The following NELL2 variants were observed in gnomAD, a reference collection of about 807,000 sequenced individuals.
NELL2 encodes neural EGFL like 2.
A neutral mutation model predicts 109.6 loss-of-function variants in NELL2; 41 were observed. The observed-to-expected ratio is 0.37, with a 90% CI of 0.29 to 0.49. The LOEUF is 0.49. Ranked by LOEUF, NELL2 falls within the 20% of genes least tolerant of loss-of-function variation. NELL2 has a pLI of 0.98. For synonymous variants in NELL2, 355 were observed against 344.7 expected, an observed-to-expected ratio of 1.03 and a Z score of -0.33; for missense variants, 900 against 1,008.3, an observed-to-expected ratio of 0.89 and a Z score of 1.45.
intron 3 of NELL2, among the ~76,000 whole-genome samples, chr12:44,808,061 A>G (rs775616519): frequency 6.6e-6 from 1 of 152,102 alleles, no homozygotes; most frequent in Non-Finnish European, 1.5e-5. Flanking sequence ...GGTCCTCTGC[A>G]TCCCCATCTA....
chr12:44,660,785 A>T (rs1947713384), intron 13 of NELL2, among the ~76,000 whole-genome samples: 1 of 146,982 alleles, frequency 6.8e-6, no homozygotes, highest in South Asian at 2.1e-4. Flanking sequence ...AAATGTGAGG[A>T]AGATCTGAAA....
At chr12:44,766,545 C>A (rs1196883270) in intron 9 of NELL2, among the ~76,000 whole-genome samples, 2 of 152,178 alleles carry the variant, frequency 1.3e-5, no homozygotes, top group East Asian at 3.8e-4. Flanking sequence ...AAAATAAGCT[C>A]ATTTTTAAAC....
chr12:44,531,881 C>T (rs1333545002), intron 16 of NELL2, among the ~76,000 whole-genome samples: 2 of 152,130 alleles, frequency 1.3e-5, no homozygotes, highest in African/African-American at 4.8e-5. Context: ...CGGGTAGTTT[C>T]CCTGACAATT....
intron 2 of NELL2, among the ~76,000 whole-genome samples, chr12:44,867,707 C>G (rs1945041642): frequency 6.6e-6 from 1 of 152,130 alleles, no homozygotes; most frequent in Non-Finnish European, 1.5e-5. Context: ...CATTTGACAT[C>G]ATCTTATATC....
rs746360970 is a variant in NELL2, at chr12:44,776,089, G to A, written c.824C>T (p.Thr275Ile). 6.2e-7 allele frequency: 1 copy of A among 1,614,026 alleles called. No homozygotes were observed. Among genetic ancestry groups the A allele is most frequent in the Non-Finnish European group, 8.5e-7 (1 of 1,179,976 alleles). The change falls in exon 8 of 20, where the codon ACC becomes ATC. Residue 275 changes from threonine (T) to isoleucine (I), a missense_variant. This residue lies in a region of NELL2 where 292 missense variants were observed against 265.3 expected (regional missense o/e 1.10). Transcript: ENST00000429094. ...TTCTCGGTAGGTGGTTCCCTTCATGGTGCAAGTCCTTTCACAATAGCACTG... is the reference window on the plus strand; with the variant it reads ...TTCTCGGTAGGTGGTTCCCTTCATGATGCAAGTCCTTTCACAATAGCACTG... Reference protein sequence around the residue: ...LDQCYCERTCTMKGTTYREFE... With the variant: ...LDQCYCERTCIMKGTTYREFE...
intron 3 of NELL2, among the ~76,000 whole-genome samples, chr12:44,784,876 G>A (rs1465259458): frequency 2.0e-5 from 3 of 152,050 alleles, no homozygotes; most frequent in Non-Finnish European, 4.4e-5. Context: ...TGGATGGAAC[G>A]TATCTCAAAA....
At chr12:44,864,961 G>T (rs902899046) in intron 2 of NELL2, among the ~76,000 whole-genome samples, 3 of 145,634 alleles carry the variant, frequency 2.1e-5, no homozygotes, top group Admixed American at 6.9e-5. Flanking sequence ...TTCCACAATG[G>T]TTGAACTAGT....
At chr12:44,887,954 T>C (rs747933226) in intron 1 of NELL2, among the ~76,000 whole-genome samples, 5 of 152,062 alleles carry the variant, frequency 3.3e-5, no homozygotes, top group Non-Finnish European at 7.4e-5. Context: ...TTCTAGTAGT[T>C]TCATAGTTTC....
chr12:44,661,693 C>G (rs1253397214), intron 13 of NELL2, among the ~76,000 whole-genome samples: 3 of 152,022 alleles, frequency 2.0e-5, no homozygotes, highest in Non-Finnish European at 4.4e-5. Context: ...CGTGAGTGAA[C>G]CAAAAAAAGC....
chr12:44,693,241 C>T (rs531013464), intron 12 of NELL2, among the ~76,000 whole-genome samples: 3 of 152,240 alleles, frequency 2.0e-5, no homozygotes, highest in Admixed American at 6.5e-5. Context: ...TCTGAAGGCT[C>T]GGACGATTGT....
chr12:44,907,790 A>C (rs999177158), intron 1 of NELL2, among the ~76,000 whole-genome samples: 1 of 152,078 alleles, frequency 6.6e-6, no homozygotes, highest in African/African-American at 2.4e-5. Context: ...GAAACCAGTG[A>C]TTGGAGAAAA....
At chr12:44,685,879 C>T (rs370680968) in intron 12 of NELL2, among the ~76,000 whole-genome samples, 19 of 152,058 alleles carry the variant, frequency 1.2e-4, no homozygotes, top group South Asian at 1.0e-3. Flanking sequence ...TTGGTGAATC[C>T]GACAATTATG....
In NELL2 at chr12:44,814,566, T is replaced by C. The variant is rs78949989; in HGVS notation, c.335+1420A>G. On this transcript the variant is annotated intron_variant, in intron 3 of 19. Transcript: ENST00000429094. Reference sequence around the variant, plus strand: ...GCCCAGTGAACCCTTGAAGATGGGATTGCTCCCTTTCTTGCTCTTCCCAGT... The same window carrying C: ...GCCCAGTGAACCCTTGAAGATGGGACTGCTCCCTTTCTTGCTCTTCCCAGT... 2.1e-3 allele frequency among the ~76,000 whole-genome samples: 318 copies of C among 152,146 alleles called. 5 individuals carry two copies. The East Asian group carries it at 0.044, about 21-fold the overall frequency.
chr12:44,516,651 G>A (rs1317211801), intron 19 of NELL2, among the ~76,000 whole-genome samples: 1 of 151,970 alleles, frequency 6.6e-6, no homozygotes, highest in African/African-American at 2.4e-5. Context: ...ATTTATGGGG[G>A]AAATAATTGC....
chr12:44,609,720 G>T (rs1945539182), intron 14 of NELL2, among the ~76,000 whole-genome samples: 1 of 151,846 alleles, frequency 6.6e-6, no homozygotes, highest in East Asian at 1.9e-4. Context: ...GTAATCTTCT[G>T]GCCTACCCAT....
intron 1 of NELL2, among the ~76,000 whole-genome samples, chr12:44,903,441 G>T (rs996776446): frequency 4.6e-5 from 7 of 152,172 alleles, no homozygotes; most frequent in African/African-American, 1.7e-4. Context: ...TGGTTGGTGG[G>T]AGTGTAAATT....
At chr12:44,699,781 T>C (rs1372697973) in intron 12 of NELL2, among the ~76,000 whole-genome samples, 1 of 152,144 alleles carries the variant, frequency 6.6e-6, no homozygotes, top group African/African-American at 2.4e-5. Flanking sequence ...ACTTTCTTCT[T>C]AAAATTCTCT....
intron 3 of NELL2, among the ~76,000 whole-genome samples, chr12:44,783,778 C>T (rs1338916214): frequency 3.9e-5 from 6 of 152,036 alleles, no homozygotes; most frequent in Admixed American, 2.0e-4. Flanking sequence ...TCTACACAAT[C>T]GCTTCCAGAA....
chr12:44,920,768 C>T (rs745567430), intron 1 of NELL2, among the ~76,000 whole-genome samples: 13 of 152,048 alleles, frequency 8.5e-5, no homozygotes, highest in Admixed American at 2.0e-4. Context: ...TTTTTATTTG[C>T]TTTTAATTAG....
Sources: gnomAD v4.1 joint callset for allele counts (sites outside exome capture counted in the v4.1 genomes callset) on GRCh38, gnomAD v4.1.1 for gene constraint, gnomAD v4.1.1 regional missense constraint, MANE v1.5 for transcripts, NCBI Gene and HGNC (gene_info 2026-07-23, HGNC 2026-07-21) for gene names.